NOL4: variants seen among roughly 807,000 people sequenced by gnomAD.
NOL4 encodes nucleolar protein 4.
In NOL4, 17 loss-of-function variants were observed where a neutral mutation model predicts 75.9. That is an observed-to-expected ratio of 0.22 (90% CI 0.15 to 0.34). The LOEUF (loss-of-function observed/expected upper bound fraction) is 0.34. Ranked by LOEUF, NOL4 falls within the 10% of genes least tolerant of loss-of-function variation. The probability of loss-of-function intolerance (pLI) is 1.00; values close to 1 mark genes in which losing one functional copy is unlikely to be tolerated. For synonymous variants in NOL4, 292 were observed against 289.9 expected, an observed-to-expected ratio of 1.01 and a Z score of -0.07; for missense variants, 614 against 793.5, an observed-to-expected ratio of 0.77 and a Z score of 2.72.
intron 10 of NOL4, among the ~76,000 whole-genome samples, chr18:33,864,029 C>A: frequency 6.6e-6 from 1 of 152,166 alleles, no homozygotes; most frequent in South Asian, 2.1e-4. Context: ...TTTACCTTGG[C>A]CCCTTTTAGC....
chr18:34,041,155 T>C (rs1376064207), intron 5 of NOL4, among the ~76,000 whole-genome samples: 2 of 151,996 alleles, frequency 1.3e-5, no homozygotes, highest in East Asian at 1.9e-4. Context: ...CCAGCATTGT[T>C]ACTTTTCTTG....
At chr18:33,961,330 G>A (rs1225111818) in intron 6 of NOL4, among the ~76,000 whole-genome samples, 2 of 151,990 alleles carry the variant, frequency 1.3e-5, no homozygotes, top group Non-Finnish European at 2.9e-5. Flanking sequence ...TGGGTGAGGG[G>A]AGGGCCTAAG....
chr18:33,911,404 T>G (rs989080412), intron 9 of NOL4, among the ~76,000 whole-genome samples: 2 of 152,124 alleles, frequency 1.3e-5, no homozygotes, highest in African/African-American at 4.8e-5. Context: ...ATTGACCCTC[T>G]ACAATATATT....
rs564739691 is a variant in NOL4, at chr18:33,855,221, C to A, written c.1724-2186G>T. Among the ~76,000 whole-genome samples the A allele has an allele frequency of 1.8e-4, 27 of 152,084 alleles. No homozygotes were observed. The East Asian group carries it at 2.5e-3, about 14-fold the overall frequency. On this transcript the variant is annotated intron_variant, in intron 10 of 10. Coordinates refer to ENST00000261592, the MANE Select transcript of NOL4 (RefSeq NM_003787.5). Reference sequence around the variant, plus strand: ...TAAAATAAAAATATTTGCAAATAAACAAGATATTTCACTAGGGACCAAATG... The same window carrying A: ...TAAAATAAAAATATTTGCAAATAAAAAAGATATTTCACTAGGGACCAAATG...
At chr18:34,049,072 G>GCACA (rs1555704725) in intron 5 of NOL4, among the ~76,000 whole-genome samples, 153 of 126,336 alleles carry the variant, frequency 1.2e-3, no homozygotes, top group East Asian at 3.3e-3. Flanking sequence ...ATACAGGCGC[G>GCACA]CGCACACACA....
intron 5 of NOL4, among the ~76,000 whole-genome samples, chr18:34,050,432 T>C (rs967291214): frequency 1.3e-5 from 2 of 152,118 alleles, no homozygotes; most frequent in Admixed American, 6.6e-5. Context: ...TTTACTGCTA[T>C]AATAGATAAT....
chr18:34,199,145 G>GT (rs11323634), intron 1 of NOL4, among the ~76,000 whole-genome samples: 12,432 of 131,220 alleles, frequency 0.095, 1,208 homozygotes, highest in African/African-American at 0.26. Context: ...GGACAGAGAA[G>GT]TTTTTTTTTT....
At chr18:33,947,248 CCTT>C (rs1030967260) in intron 8 of NOL4, among the ~76,000 whole-genome samples, 47 of 151,850 alleles carry the variant, frequency 3.1e-4, no homozygotes, top group Middle Eastern at 6.8e-3. Flanking sequence ...AGAATCATCT[CCTT>C]CTGAACTCTC....
At chr18:34,120,652 G>T (rs2080097217) in intron 2 of NOL4, among the ~76,000 whole-genome samples, 2 of 152,272 alleles carry the variant, frequency 1.3e-5, no homozygotes, top group South Asian at 4.1e-4. Context: ...GAGATTTGAG[G>T]CAAATGCATT....
rs146189093 is a variant in NOL4 at position 33,921,757 on chromosome 18, T to C, written c.1542+21308A>G. Among the ~76,000 whole-genome samples the C allele has an allele frequency of 8.0e-3, 1,217 of 152,290 alleles. 4 individuals carry two copies. Among genetic ancestry groups the C allele is most frequent in the Middle Eastern group, 0.027 (8 of 294 alleles). ...GAGAATAAAATTCTGCTATTTTAAA[T>C]CACTGAGTTTGTGGTACTTTGTGTT... On this transcript the variant is annotated intron_variant, in intron 9 of 10. Coordinates refer to ENST00000261592, the MANE Select transcript of NOL4 (RefSeq NM_003787.5).
At chr18:33,902,991 A>G (rs536163091) in intron 9 of NOL4, among the ~76,000 whole-genome samples, 80 of 152,292 alleles carry the variant, frequency 5.3e-4, no homozygotes, top group African/African-American at 1.8e-3. Flanking sequence ...GCCCTTTAAC[A>G]TCTTTGATAA....
chr18:33,995,193 A>G (rs906344539), intron 6 of NOL4, among the ~76,000 whole-genome samples: 5 of 151,640 alleles, frequency 3.3e-5, no homozygotes, highest in African/African-American at 1.2e-4. Flanking sequence ...TTAAAAACAG[A>G]TGACTATCAA....
chr18:34,064,991 A>G (rs1263997557), intron 5 of NOL4, among the ~76,000 whole-genome samples: 2 of 152,038 alleles, frequency 1.3e-5, no homozygotes, highest in East Asian at 1.9e-4. Context: ...AAAGAAAAAT[A>G]TACAATAGTT....
chr18:34,065,923 C>G (rs565214007), intron 5 of NOL4, among the ~76,000 whole-genome samples: 5 of 151,716 alleles, frequency 3.3e-5, no homozygotes, highest in Non-Finnish European at 7.4e-5. Context: ...AAAAGGAAGT[C>G]GAAATTTCAA....
At chr18:34,179,856 G>GT (rs1325588842) in intron 1 of NOL4, among the ~76,000 whole-genome samples, 1 of 151,430 alleles carries the variant, frequency 6.6e-6, no homozygotes, top group Non-Finnish European at 1.5e-5. Flanking sequence ...CTTCAGAACT[G>GT]TAAGATATAA....
At chr18:34,046,240 C>A (rs1347809444) in intron 5 of NOL4, among the ~76,000 whole-genome samples, 1 of 152,048 alleles carries the variant, frequency 6.6e-6, no homozygotes, top group African/African-American at 2.4e-5. Flanking sequence ...AACTCTGAGA[C>A]CAGTTCAGAA....
chr18:33,874,505 T>A (rs2063841270), intron 10 of NOL4, among the ~76,000 whole-genome samples: 1 of 151,958 alleles, frequency 6.6e-6, no homozygotes, highest in Non-Finnish European at 1.5e-5. Flanking sequence ...AAGAGGCTAA[T>A]AAGCATAGTT....
intron 1 of NOL4, among the ~76,000 whole-genome samples, chr18:34,199,176 T>G (rs1374291723): frequency 6.6e-6 from 1 of 150,926 alleles, no homozygotes; most frequent in Non-Finnish European, 1.5e-5. Context: ...TGTTTTGTTT[T>G]GTTATACCCT....
intron 6 of NOL4, among the ~76,000 whole-genome samples, chr18:34,015,657 C>G (rs1271078319): frequency 6.6e-6 from 1 of 152,008 alleles, no homozygotes; most frequent in African/African-American, 2.4e-5. Flanking sequence ...TCAAGCAGCA[C>G]TTTTGCTCTG....
Sources: gnomAD v4.1 joint callset for allele counts (sites outside exome capture counted in the v4.1 genomes callset) on GRCh38, gnomAD v4.1.1 for gene constraint, MANE v1.5 for transcripts, NCBI Gene and HGNC (gene_info 2026-07-23, HGNC 2026-07-21) for gene names.